DRC8: variants seen among roughly 807,000 people sequenced by gnomAD.
DRC8 encodes dynein regulatory complex protein 8.
the DRC8 span, among the ~76,000 whole-genome samples, chr1:245,104,109 A>G: frequency 7.2e-5 from 11 of 152,344 alleles, no homozygotes; most frequent in Non-Finnish European, 1.2e-4. Flanking sequence ...ATGGAGCACA[A>G]CCAAACTGAG....
the DRC8 span, among the ~76,000 whole-genome samples, chr1:245,115,673 G>C: frequency 6.6e-6 from 1 of 152,204 alleles, no homozygotes; most frequent in Non-Finnish European, 1.5e-5. Flanking sequence ...TGCCCTCATA[G>C]GGCTGGCTGT....
the DRC8 span, among the ~76,000 whole-genome samples, chr1:245,011,576 G>A: frequency 2.3e-3 from 349 of 152,316 alleles, 2 homozygotes; most frequent in Non-Finnish European, 3.6e-3. Flanking sequence ...ACCTCCAAAT[G>A]TTTTGGTTTT....
the DRC8 span, among the ~76,000 whole-genome samples, chr1:245,104,225 C>T: frequency 3.3e-5 from 5 of 152,246 alleles, no homozygotes; most frequent in Admixed American, 2.0e-4. Context: ...ATCAATGGGC[C>T]GGGTGTGGTG....
the DRC8 span, among the ~76,000 whole-genome samples, chr1:245,073,413 G>A: frequency 6.6e-6 from 1 of 152,156 alleles, no homozygotes; most frequent in South Asian, 2.1e-4. Context: ...TGGGATTACA[G>A]GCATGAGCTA....
chr1:245,062,461 C>T, the DRC8 span, among the ~76,000 whole-genome samples: 3 of 152,120 alleles, frequency 2.0e-5, no homozygotes, highest in Admixed American at 6.6e-5. Flanking sequence ...ATTAAGTTAG[C>T]GCCTTCTAGG....
chr1:244,970,404 C>A, the DRC8 span: 2 of 1,538,840 alleles, frequency 1.3e-6, no homozygotes, highest in South Asian at 1.2e-5. Context: ...CCCAGGCGAC[C>A]GGCTCCGCAG....
the DRC8 span, among the ~76,000 whole-genome samples, chr1:245,103,681 T>A: frequency 2.6e-5 from 4 of 151,760 alleles, no homozygotes; most frequent in Non-Finnish European, 4.4e-5. Context: ...TCCTCCACCC[T>A]GTGAGGCTGA....
the DRC8 span, among the ~76,000 whole-genome samples, chr1:245,001,425 A>G: frequency 6.6e-6 from 1 of 152,146 alleles, no homozygotes; most frequent in Non-Finnish European, 1.5e-5. Context: ...AAAAATACAA[A>G]TTCCTGGCCA....
At chr1:244,995,860 C>G in the DRC8 span, among the ~76,000 whole-genome samples, 32 of 152,314 alleles carry the variant, frequency 2.1e-4, 1 homozygote, top group East Asian at 4.8e-3. Context: ...AAGCTCTAAC[C>G]TAGAGCCTAC....
the DRC8 span, chr1:244,970,360 G>A: frequency 1.3e-6 from 2 of 1,526,944 alleles, no homozygotes; most frequent in Non-Finnish European, 1.7e-6. Context: ...TGAGCAGGCC[G>A]GGACACCGCG....
At chr1:244,993,831 G>A in the DRC8 span, among the ~76,000 whole-genome samples, 1 of 152,182 alleles carries the variant, frequency 6.6e-6, no homozygotes, top group Non-Finnish European at 1.5e-5. Context: ...TAAGATAACA[G>A]CATTAATCCA....
At chr1:245,028,827 A>T in the DRC8 span, among the ~76,000 whole-genome samples, 1 of 152,348 alleles carries the variant, frequency 6.6e-6, no homozygotes, top group Non-Finnish European at 1.5e-5. Flanking sequence ...CAACCAGAAT[A>T]CTAGTTTCTA....
the DRC8 span, among the ~76,000 whole-genome samples, chr1:245,082,952 G>T: frequency 1.3e-5 from 2 of 151,922 alleles, no homozygotes; most frequent in Admixed American, 1.3e-4. Context: ...CAGATGATCT[G>T]CCCACCTCAG....
chr1:245,095,391 C>T, the DRC8 span, among the ~76,000 whole-genome samples: 2 of 152,244 alleles, frequency 1.3e-5, no homozygotes, highest in Non-Finnish European at 2.9e-5. Flanking sequence ...GACAATACTA[C>T]AGGATCAGAC....
At chr1:245,022,476 A>G in the DRC8 span, among the ~76,000 whole-genome samples, 1 of 152,092 alleles carries the variant, frequency 6.6e-6, no homozygotes, top group Non-Finnish European at 1.5e-5. Flanking sequence ...ATTTTCATTT[A>G]TATATATTTT....
At chr1:244,987,786 A>T in the DRC8 span, among the ~76,000 whole-genome samples, 1 of 152,144 alleles carries the variant, frequency 6.6e-6, no homozygotes, top group South Asian at 2.1e-4. Flanking sequence ...AACAGTTCCC[A>T]TGGTAAGTAT....
the DRC8 span, among the ~76,000 whole-genome samples, chr1:245,011,300 A>G: frequency 6.6e-6 from 1 of 152,230 alleles, no homozygotes; most frequent in Non-Finnish European, 1.5e-5. Flanking sequence ...CTAAATTGAT[A>G]GGAATTGATA....
At chr1:245,033,612 C>G in the DRC8 span, among the ~76,000 whole-genome samples, 26 of 152,322 alleles carry the variant, frequency 1.7e-4, no homozygotes, top group East Asian at 5.0e-3. Context: ...TTCTATCTCT[C>G]CGTCCCATCC....
At chr1:244,975,062 C>T in the DRC8 span, among the ~76,000 whole-genome samples, 1 of 152,276 alleles carries the variant, frequency 6.6e-6, no homozygotes, top group South Asian at 2.1e-4. Flanking sequence ...TCCCGAGTAG[C>T]TGGGACTACA....
Sources: allele counts gnomAD v4.1 joint callset (sites outside exome capture counted in the v4.1 genomes callset), GRCh38; gene constraint gnomAD v4.1.1; transcripts MANE v1.5; gene names NCBI Gene and HGNC (gene_info 2026-07-23, HGNC 2026-07-21).